The following KTN1 variants were observed in gnomAD, a reference collection of about 807,000 sequenced individuals.
KTN1 encodes kinectin 1.
A neutral mutation model predicts 222.5 loss-of-function variants in KTN1; 130 were observed. The observed-to-expected ratio is 0.58, with a 90% CI of 0.51 to 0.68. KTN1 has a LOEUF of 0.68. KTN1 is among the 30% of genes least tolerant of loss of function. The probability of loss-of-function intolerance (pLI) is 0.00; values close to 1 mark genes in which losing one functional copy is unlikely to be tolerated. For synonymous variants in KTN1, 512 were observed against 496.3 expected (o/e 1.03, Z -0.42); for missense variants, 1,508 against 1,500.4 (o/e 1.01, Z -0.08).
chr14:55,613,880 T>C (rs2037970653), intron 2 of KTN1, among the ~76,000 whole-genome samples: 1 of 152,118 alleles, frequency 6.6e-6, no homozygotes, highest in Admixed American at 6.6e-5. Context: ...AAATGTGGTT[T>C]ATGTAGGAGA....
chr14:55,680,594 C>T (rs2046277482), intron 43 of KTN1: 1 of 615,846 alleles, frequency 1.6e-6, no homozygotes, highest in Non-Finnish European at 3.0e-6. Flanking sequence ...CTGTGTTGGG[C>T]TATACAAGGC....
At chr14:55,623,612 C>T (rs1265574106) in intron 5 of KTN1, among the ~76,000 whole-genome samples, 2 of 152,234 alleles carry the variant, frequency 1.3e-5, no homozygotes, top group African/African-American at 4.8e-5. Flanking sequence ...CTCAATCAGT[C>T]GTCCTGCCTT....
chr14:55,646,908 C>A, intron 18 of KTN1, 65 bp from the exon 19 acceptor site: 1 of 990,220 alleles, frequency 1.0e-6, no homozygotes, highest in Non-Finnish European at 1.6e-6. Flanking sequence ...AATTACATTT[C>A]TCATCTGGTT....
At chr14:55,627,696 T>C (rs1359564296) in intron 5 of KTN1, among the ~76,000 whole-genome samples, 2 of 152,186 alleles carry the variant, frequency 1.3e-5, no homozygotes, top group Non-Finnish European at 2.9e-5. Context: ...CTCCCACTTA[T>C]GAGTGAGAAC....
intron 24 of KTN1, chr14:55,651,200 C>T (rs2042905178): frequency 2.2e-5 from 10 of 452,650 alleles, no homozygotes; most frequent in Middle Eastern, 3.3e-4. Flanking sequence ...GCACTGTACT[C>T]GTGATTGGTG....
At chr14:55,631,356 A>ATATATATATATG (rs2040510342) in intron 7 of KTN1, among the ~76,000 whole-genome samples, 1 of 142,408 alleles carries the variant, frequency 7.0e-6, no homozygotes, top group Admixed American at 6.9e-5. Context: ...ATATATATAT[A>ATATATATATATG]TATATATATA....
At chr14:55,639,305 T>A in intron 13 of KTN1, 83 bp downstream of exon 13, 2 of 979,386 alleles carry the variant, frequency 2.0e-6, no homozygotes, top group Non-Finnish European at 1.6e-6. Context: ...TGATTAACTT[T>A]ATACCTCTGA....
At chr14:55,676,712 T>C (rs999700348) in intron 41 of KTN1, among the ~76,000 whole-genome samples, 1 of 152,232 alleles carries the variant, frequency 6.6e-6, no homozygotes, top group Non-Finnish European at 1.5e-5. Flanking sequence ...TCTAATAGAT[T>C]TTAAAAGTTA....
chr14:55,669,993 C>T (rs1414514247), intron 34 of KTN1, among the ~76,000 whole-genome samples: 1 of 151,824 alleles, frequency 6.6e-6, no homozygotes, highest in Non-Finnish European at 1.5e-5. Context: ...CACAGATACA[C>T]TTTATCAAAG....
Position 55,675,908 on chromosome 14 carries a change from A to T in KTN1, c.3845A>T (p.Asp1282Val), listed in dbSNP as rs2045853145. The change falls in exon 41 of 44, where the codon GAT becomes GTT. Residue 1282 changes from aspartate (D) to valine (V), a missense_variant. By Grantham distance (152) the Asp-to-Val change is radical. Coordinates refer to ENST00000395314, the MANE Select transcript of KTN1 (RefSeq NM_001079521.2). Reference sequence around the variant, plus strand: ...AATGAAAGACAGAAGGTAGCTGGTGATTTGCATAAGGTAGGCACTGTTCGT... The same window carrying T: ...AATGAAAGACAGAAGGTAGCTGGTGTTTTGCATAAGGTAGGCACTGTTCGT... ...EQNERQKVAG[D>V]LHKAQQSLEL... 2 of 1,612,224 alleles carry T rather than the reference A, an allele frequency of 1.2e-6. No individual in the cohort carries two copies. The highest frequency in any genetic ancestry group is 1.7e-5 in the Admixed American group (1 of 59,974).
intron 18 of KTN1, among the ~76,000 whole-genome samples, chr14:55,646,770 T>C (rs999986623): frequency 1.3e-5 from 2 of 152,062 alleles, no homozygotes; most frequent in African/African-American, 4.8e-5. Context: ...ACTGCTACTT[T>C]TTCTGTGTCT....
At chr14:55,664,473 G>A (rs1168054931) in intron 33 of KTN1, among the ~76,000 whole-genome samples, 1 of 152,130 alleles carries the variant, frequency 6.6e-6, no homozygotes, top group African/African-American at 2.4e-5. Context: ...GTAGAGAAAT[G>A]ATCAAAGTCT....
chr14:55,581,424 G>A (rs2031591950), intron 1 of KTN1, among the ~76,000 whole-genome samples: 1 of 152,120 alleles, frequency 6.6e-6, no homozygotes. Context: ...AAGAGCTACG[G>A]TTGAAGTTAA....
chr14:55,603,822 T>C (rs2036333680), intron 1 of KTN1, among the ~76,000 whole-genome samples: 1 of 152,216 alleles, frequency 6.6e-6, no homozygotes, highest in Non-Finnish European at 1.5e-5. Context: ...ACTTTTCCCC[T>C]ATCTCAGTAA....
At chr14:55,615,415 C>G (rs2038207021) in intron 2 of KTN1, among the ~76,000 whole-genome samples, 1 of 146,264 alleles carries the variant, frequency 6.8e-6, no homozygotes, top group African/African-American at 2.5e-5. Flanking sequence ...AATTACCCTT[C>G]TACTTTCTGT....
chr14:55,663,026 G>A (rs751962975), intron 32 of KTN1: 4 of 454,708 alleles, frequency 8.8e-6, no homozygotes, highest in East Asian at 1.4e-4. Context: ...TTGCCACTTC[G>A]TTTTCTGTGT....
intron 2 of KTN1, among the ~76,000 whole-genome samples, chr14:55,614,462 A>G (rs1459079522): frequency 6.6e-6 from 1 of 152,206 alleles, no homozygotes; most frequent in Non-Finnish European, 1.5e-5. Flanking sequence ...GATAGGATTA[A>G]AGCTGATCTC....
chr14:55,637,362 C>G lies in KTN1; in HGVS notation c.1714C>G (p.Gln572Glu). 1 of 1,535,074 alleles carries G rather than the reference C, an allele frequency of 6.5e-7. No individual in the cohort carries two copies. Among genetic ancestry groups the G allele is most frequent in the Non-Finnish European group, 8.8e-7 (1 of 1,141,742 alleles). Residue 572 changes from glutamine (Q) to glutamate (E), a missense_variant and splice_region_variant, in exon 11 of 44, where the codon CAG (glutamine) becomes GAG (glutamate). Gln to Glu is a conservative substitution (Grantham distance 29). Transcript: ENST00000395314. ...AGAAGAGTCTCTACAAATGCAGGTT[C>G]AGGTATTTTTTCTTCTTTTTTTTTT... ...NKEESLQMQV[Q>E]DILEQNEALK...
chr14:55,662,974 C>T (rs2044315975), intron 32 of KTN1: 1 of 455,936 alleles, frequency 2.2e-6, no homozygotes, highest in Non-Finnish European at 4.4e-6. Context: ...AGCCAGGACA[C>T]TGGAGGCCAG....
Sources: gnomAD v4.1 joint callset for allele counts (sites outside exome capture counted in the v4.1 genomes callset) on GRCh38, gnomAD v4.1.1 for gene constraint, MANE v1.5 for transcripts, NCBI Gene and HGNC (gene_info 2026-07-23, HGNC 2026-07-21) for gene names.